Variants in DNAH12 observed in about 807,000 individuals in gnomAD.
DNAH12 encodes the protein dynein axonemal heavy chain 12, also known as axonemal beta dynein heavy chain 12.
Under a neutral mutation model 371.5 loss-of-function variants are expected in DNAH12, and 285 were observed. The observed-to-expected ratio is 0.77, with a 90% CI of 0.70 to 0.85. The LOEUF is 0.85. Ranked by LOEUF, DNAH12 falls within the 40% of genes least tolerant of loss-of-function variation. The pLI, the probability that DNAH12 is intolerant of heterozygous loss-of-function variation, is 0.00. For synonymous variants in DNAH12, 1,200 were observed against 1,213.0 expected, an observed-to-expected ratio of 0.99 and a Z score of 0.22; for missense variants, 3,611 against 3,689.4, an observed-to-expected ratio of 0.98 and a Z score of 0.55.
chr3:57,415,263 T>C (rs2064333021), intron 38 of DNAH12, among the ~76,000 whole-genome samples, 163 bp downstream of exon 38: 1 of 152,218 alleles, frequency 6.6e-6, no homozygotes, highest in East Asian at 1.9e-4. Flanking sequence ...AAATGTTCTC[T>C]GAAACTTGTA....
intron 62 of DNAH12, among the ~76,000 whole-genome samples, chr3:57,325,763 A>G (rs897596498): frequency 1.3e-5 from 2 of 152,180 alleles, no homozygotes; most frequent in East Asian, 3.9e-4. Context: ...TCAGACAATC[A>G]AACTACGAGC....
chr3:57,494,945 G>T (rs9872842), intron 11 of DNAH12, among the ~76,000 whole-genome samples: 101,462 of 151,682 alleles, frequency 0.67, 34,167 homozygotes, highest in South Asian at 0.75. Flanking sequence ...AGAGGTTAAG[G>T]CTGCAGTGAG....
At chr3:57,441,882 A>G (rs1446195907) in intron 29 of DNAH12, among the ~76,000 whole-genome samples, 3 of 152,188 alleles carry the variant, frequency 2.0e-5, no homozygotes, top group African/African-American at 7.2e-5. Flanking sequence ...AAAGTACAAA[A>G]CAAAACTAGG....
intron 69 of DNAH12, among the ~76,000 whole-genome samples, chr3:57,305,274 C>T (rs2061445383): frequency 6.6e-6 from 1 of 152,048 alleles, no homozygotes; most frequent in Non-Finnish European, 1.5e-5. Flanking sequence ...CCCTCAATCC[C>T]AACCCCAAGC....
intron 2 of DNAH12, among the ~76,000 whole-genome samples, chr3:57,532,128 C>T (rs1052206989): frequency 5.3e-5 from 8 of 152,178 alleles, no homozygotes; most frequent in Middle Eastern, 3.4e-3. Flanking sequence ...ATTAAAAGAA[C>T]GCTGATCCAT....
At chr3:57,471,382 C>T (rs1334944439) in intron 15 of DNAH12, 90 bp downstream of exon 15, 2 of 1,222,806 alleles carry the variant, frequency 1.6e-6, no homozygotes, top group African/African-American at 1.6e-5. Context: ...AAATAGTAAA[C>T]ATATTTTTCT....
intron 39 of DNAH12, among the ~76,000 whole-genome samples, chr3:57,409,211 T>C (rs894202509): frequency 9.9e-5 from 15 of 152,224 alleles, no homozygotes; most frequent in African/African-American, 3.6e-4. Flanking sequence ...AAAAGGTTGC[T>C]ATTGTCAATA....
intron 25 of DNAH12, among the ~76,000 whole-genome samples, chr3:57,449,139 A>G (rs2065650359): frequency 7.0e-6 from 1 of 143,164 alleles, no homozygotes; most frequent in African/African-American, 2.6e-5. Flanking sequence ...AGGCCCCACC[A>G]GAGCAGCTAG....
rs118138218 is a variant in DNAH12 at position 57,469,618 on chromosome 3, G to A, written c.2106-639C>T. Among the ~76,000 whole-genome samples, 6 of 152,200 alleles carry A rather than the reference G, an allele frequency of 3.9e-5. No individual in the cohort carries two copies. The East Asian group carries it at 1.2e-3, about 29-fold the overall frequency. On this transcript the variant is annotated intron_variant, in intron 16 of 73. Transcript: ENST00000495027. ...ACAGTGGATTGAATAAAAAAAATTT[G>A]GTACATATACACCATGGAATACAAT...
intron 26 of DNAH12, 61 bp downstream of exon 26, chr3:57,446,476 C>A (rs1353419897): frequency 6.8e-7 from 1 of 1,473,312 alleles, no homozygotes; most frequent in Non-Finnish European, 9.0e-7. Context: ...TTCCATTTAT[C>A]CAATTAGACC....
chr3:57,499,673 T>TATACACACAC (rs1553711699), intron 11 of DNAH12, among the ~76,000 whole-genome samples: 6 of 44,460 alleles, frequency 1.3e-4, no homozygotes, highest in Non-Finnish European at 2.1e-4. Flanking sequence ...TATATATATA[T>TATACACACAC]ATACTTCTTA....
intron 38 of DNAH12, 50 bp from the exon 39 acceptor site, chr3:57,413,962 T>A (rs900926640): frequency 1.3e-6 from 2 of 1,505,984 alleles, no homozygotes; most frequent in Non-Finnish European, 8.9e-7. Flanking sequence ...GAATTAGGGA[T>A]TTATCATACT....
chr3:57,318,159 C>G (rs971050819), intron 65 of DNAH12, among the ~76,000 whole-genome samples: 2 of 152,156 alleles, frequency 1.3e-5, no homozygotes, highest in Admixed American at 6.5e-5. Flanking sequence ...TGTGCAGAAG[C>G]TTTTTAGTTT....
intron 62 of DNAH12, among the ~76,000 whole-genome samples, chr3:57,333,471 C>T (rs2062154618): frequency 6.6e-6 from 1 of 151,842 alleles, no homozygotes; most frequent in Admixed American, 6.6e-5. Flanking sequence ...GCTGGGACTA[C>T]AGGCATGCAC....
chr3:57,316,209 A>C (rs1264120355), intron 65 of DNAH12, among the ~76,000 whole-genome samples: 1 of 150,242 alleles, frequency 6.7e-6, no homozygotes, highest in Non-Finnish European at 1.5e-5. Context: ...AGATGATACC[A>C]CTGACCTGCC....
intron 60 of DNAH12, among the ~76,000 whole-genome samples, chr3:57,351,262 G>A (rs111840454): frequency 6.6e-6 from 1 of 150,716 alleles, no homozygotes; most frequent in Non-Finnish European, 1.5e-5. Flanking sequence ...GAGTGAGACT[G>A]TCTCAAAACA....
At chr3:57,488,428 G>A (rs1228698555) in intron 12 of DNAH12, among the ~76,000 whole-genome samples, 2 of 151,944 alleles carry the variant, frequency 1.3e-5, no homozygotes, top group Admixed American at 1.3e-4. Flanking sequence ...TCCTGACCTC[G>A]TGATTCGCCC....
At chr3:57,425,206 T>G in intron 34 of DNAH12, 65 bp from the exon 35 acceptor site, 1 of 665,338 alleles carries the variant, frequency 1.5e-6, no homozygotes, top group South Asian at 1.6e-5. Context: ...GAAAAACACT[T>G]TATTTTTAAA....
intron 25 of DNAH12, among the ~76,000 whole-genome samples, chr3:57,449,541 C>T (rs1201142069): frequency 1.3e-5 from 2 of 152,224 alleles, no homozygotes; most frequent in African/African-American, 2.4e-5. Context: ...CGCTGGTGGG[C>T]TGGCACTGCT....
Sources: allele counts gnomAD v4.1 joint callset (sites outside exome capture counted in the v4.1 genomes callset), GRCh38; gene constraint gnomAD v4.1.1; transcripts MANE v1.5; gene names NCBI Gene and HGNC (gene_info 2026-07-23, HGNC 2026-07-21).